CHKB: variants seen among roughly 807,000 people sequenced by gnomAD.
CHKB encodes the protein choline/ethanolamine kinase.
Under a neutral mutation model 57.3 loss-of-function variants are expected in CHKB, and 45 were observed. The observed-to-expected ratio is 0.79, with a 90% CI of 0.62 to 1.01. The LOEUF (loss-of-function observed/expected upper bound fraction) is 1.01. CHKB is among the 50% of genes least tolerant of loss of function. The pLI is 0.00. For missense variants in CHKB, 517 were observed against 502.8 expected, an observed-to-expected ratio of 1.03 and a Z score of -0.27; for synonymous variants, 224 against 201.8, an observed-to-expected ratio of 1.11 and a Z score of -0.93.
Position 50,581,795 on chromosome 22 carries a change from T to C in CHKB, c.401A>G (p.Gln134Arg), listed in dbSNP as rs1374175646. The C allele has an allele frequency of 1.9e-6, 3 of 1,609,104 alleles. No individual in the cohort carries two copies. Among genetic ancestry groups the C allele is most frequent in the East Asian group, 4.5e-5 (2 of 44,440 alleles). ...GCCCTCTGGGAAGACTCCGTACAGC[T>C]GGGGCCCCAGCGACCGCTCCGCAAG... ...AILAERSLGPQLYGVFPEGRL... is the reference protein window; with the variant it reads ...AILAERSLGPRLYGVFPEGRL... The change falls in exon 3 of 11, where the codon CAG becomes CGG. Residue 134 changes from glutamine (Q) to arginine (R), a missense_variant. Coordinates refer to ENST00000406938, the MANE Select transcript of CHKB (RefSeq NM_005198.5).
chr22:50,581,125 C>T (rs2070682321), intron 4 of CHKB, among the ~76,000 whole-genome samples: 3 of 150,756 alleles, frequency 2.0e-5, no homozygotes, highest in African/African-American at 7.3e-5. Flanking sequence ...TGTTTTGAGA[C>T]AGAGTCTTGC....
At chr22:50,579,645 C>T in intron 9 of CHKB, 82 bp downstream of exon 9, 2 of 1,508,698 alleles carry the variant, frequency 1.3e-6, no homozygotes, top group South Asian at 1.1e-5. Flanking sequence ...AGCCACCTTC[C>T]CTGCAGCTTG....
chr22:50,582,402 C>A (rs13055012), intron 1 of CHKB, 45 bp from the exon 2 acceptor site: 1 of 1,511,124 alleles, frequency 6.6e-7, no homozygotes, highest in South Asian at 1.2e-5. Context: ...CCGGCCCTAC[C>A]TGCCGCGGCC....
In CHKB at chr22:50,580,477, C is replaced by T. The variant is rs572515697; in HGVS notation, c.678-61G>A. 6.8e-6 allele frequency: 11 copies of T among 1,609,504 alleles called. No individual in the cohort carries two copies. The African/African-American group carries it at 1.5e-4, about 21-fold the overall frequency. Reference sequence around the variant, plus strand: ...GTGACTAGAGGAGGATCAGAGCCACCCTAACAGGCCAGGCCCTGACACCAG... The same window carrying T: ...GTGACTAGAGGAGGATCAGAGCCACTCTAACAGGCCAGGCCCTGACACCAG... On this transcript the variant is annotated intron_variant, in intron 5 of 10. Transcript: ENST00000406938.
Position 50,582,817 on chromosome 22 carries a change from C to G in CHKB, c.-36G>C. The G allele has an allele frequency of 6.5e-7, 1 of 1,526,944 alleles. No homozygotes were observed. Among genetic ancestry groups the G allele is most frequent in the South Asian group, 1.2e-5 (1 of 83,232 alleles). 94.6% of individuals were successfully genotyped at this position (1,526,944 alleles called of 1,614,324 possible). A position where few individuals can be genotyped will look rare whatever the true frequency, so the allele number is the denominator to read the frequency against. ...CGACCGGGCCCCAGGCCAGGCTGCG[C>G]TCCGCTCCCTTCGGACGGGCTCGGT... On this transcript the variant is annotated 5_prime_UTR_variant, in exon 1 of 11. Coordinates refer to ENST00000406938, the MANE Select transcript of CHKB (RefSeq NM_005198.5).
chr22:50,580,713 GC>G (rs2070674345), intron 4 of CHKB, 53 bp from the exon 5 acceptor site: 11 of 1,529,282 alleles, frequency 7.2e-6, no homozygotes, highest in Non-Finnish European at 9.0e-6. Flanking sequence ...CCCACCCCTC[GC>G]CTATCTACCC....
In CHKB at chr22:50,579,447, G is replaced by A. The variant is rs376369193; in HGVS notation, c.1092C>T (p.Ser364=). ...GLWSILQASM[S]TIEFGYLDYA... Reference sequence around the variant, plus strand: ...TTACCAAGTAACCAAATTCTATGGTGGACATGGATGCCTGGAGGATGGACC... The same window carrying A: ...TTACCAAGTAACCAAATTCTATGGTAGACATGGATGCCTGGAGGATGGACC... Residue 364 remains serine (S), a synonymous_variant, in exon 10 of 11, where the codon TCC becomes TCT. Coordinates refer to ENST00000406938, the MANE Select transcript of CHKB (RefSeq NM_005198.5). 5 of 1,613,406 alleles carry A rather than the reference G, an allele frequency of 3.1e-6. No homozygotes were observed. The highest frequency in any genetic ancestry group is 1.3e-5 in the African/African-American group (1 of 74,878).
rs1175814040 is a variant in CHKB at position 50,580,424 on chromosome 22, G to A, written c.678-8C>T. ...GTAGACTCTAGTAACTTCCTACAGG[G>A]GTATGGGAGCATGGGTCCTGAGCAG... On this transcript the variant is annotated splice_polypyrimidine_tract_variant and splice_region_variant and intron_variant, in intron 5 of 10. Coordinates refer to ENST00000406938, the MANE Select transcript of CHKB (RefSeq NM_005198.5). 4 of 1,613,952 alleles carry A rather than the reference G, an allele frequency of 2.5e-6. No individual in the cohort carries two copies. Among genetic ancestry groups the A allele is most frequent in the Non-Finnish European group, 3.4e-6 (4 of 1,180,002 alleles).
chr22:50,579,996 T>C lies in CHKB; in HGVS notation c.905A>G (p.Asp302Gly). 1 of 1,614,050 alleles carries C rather than the reference T, an allele frequency of 6.2e-7. No individual in the cohort carries two copies. ...TACCTGCTGTTCTTGAGTGGGGTAG[T>C]CTGTGGGCCTTGCTTTGTAGAAAGG... ...EWPFYKARPT[D>G]YPTQEQQLHF... is the part of the protein sequence containing the mutation. The change falls in exon 8 of 11, where the codon GAC (aspartate) becomes GGC (glycine). Residue 302 changes from aspartate to glycine, a missense_variant. Asp to Gly is a moderately conservative substitution (Grantham distance 94). Coordinates refer to ENST00000406938, the MANE Select transcript of CHKB (RefSeq NM_005198.5).
rs1266780645 is a variant in CHKB, at chr22:50,582,802, C to T, written c.-21G>A. ...GCCATGGCGCGGGCTCGACCGGGCC[C>T]CAGGCCAGGCTGCGCTCCGCTCCCT... is the stretch of plus-strand genomic sequence containing the variant. On this transcript the variant is annotated 5_prime_UTR_variant, in exon 1 of 11. Transcript: ENST00000406938. 1 of 1,543,690 alleles carries T rather than the reference C, an allele frequency of 6.5e-7. No homozygotes were observed. The highest frequency in any genetic ancestry group is 1.4e-5 in the African/African-American group (1 of 72,616).
intron 1 of CHKB, 58 bp from the exon 2 acceptor site, chr22:50,582,415 GGCCCCCTCCCGGCCAGGCCGGCCCC>G (rs1304367646): frequency 6.7e-7 from 1 of 1,485,936 alleles, no homozygotes; most frequent in South Asian, 1.3e-5. Context: ...CCGCGGCCCC[GGCCCCCTCCCGGCCAGGCCGGCCCC>G]GCCCCGCCCC....
intron 4 of CHKB, among the ~76,000 whole-genome samples, chr22:50,581,009 G>A (rs140798606): frequency 0.028 from 4,315 of 152,242 alleles, 118 homozygotes; most frequent in East Asian, 0.14. Context: ...TTGAACTCCT[G>A]AGCTCAGGCA....
chr22:50,582,150 C>G (rs957397761), intron 2 of CHKB, 99 bp downstream of exon 2: 1 of 1,115,760 alleles, frequency 9.0e-7, no homozygotes, highest in Non-Finnish European at 1.3e-6. Context: ...GACCGTGAAC[C>G]TCGGTGTCCT....
In CHKB at chr22:50,582,050, G is replaced by C. The variant is rs143525998; in HGVS notation, c.334-188C>G. 9,905 of 767,332 alleles carry C rather than the reference G, an allele frequency of 0.013. 82 individuals carry two copies. The highest frequency in any genetic ancestry group is 0.018 in the Non-Finnish European group (7,874 of 439,062). 47.5% of individuals were successfully genotyped at this position (767,332 alleles called of 1,614,324 possible). On this transcript the variant is annotated intron_variant, in intron 2 of 10. Transcript: ENST00000406938. The stretch of plus-strand genomic sequence containing the variant: ...TCACTATGTTGTCCAGGCTGGTCTC[G>C]AACTCCTGTGCTCAAGTGATCCTCT...
intron 7 of CHKB, 32 bp from the exon 8 acceptor site, chr22:50,580,114 A>G: frequency 6.2e-6 from 10 of 1,612,948 alleles, no homozygotes; most frequent in Non-Finnish European, 8.5e-6. Flanking sequence ...TCAGTCCCCA[A>G]ATGCCCTGGG....
In CHKB at chr22:50,579,009, T is replaced by G; in HGVS notation, c.*172A>C. 2.9e-6 allele frequency: 2 copies of G among 691,478 alleles called. No homozygotes were observed. Among genetic ancestry groups the G allele is most frequent in the Non-Finnish European group, 5.3e-6 (2 of 378,082 alleles). The allele number at this position is 691,478 out of a possible 1,614,324, so 42.8% of individuals were successfully genotyped here. On this transcript the variant is annotated 3_prime_UTR_variant, in exon 11 of 11. Transcript: ENST00000406938. ...TTGTGTTACATACACAGCACGGGGC[T>G]CTGGCCTGCCAGCCATGGGGACCTA...
chr22:50,582,686 G>T lies in CHKB; in HGVS notation c.96C>A (p.Thr32=). The T allele has an allele frequency of 1.2e-6, 2 of 1,610,786 alleles. No individual in the cohort carries two copies. The highest frequency in any genetic ancestry group is 1.7e-6 in the Non-Finnish European group (2 of 1,179,274). Residue 32 remains threonine, a synonymous_variant, in exon 1 of 11, where the codon ACC becomes ACA. Coordinates refer to ENST00000406938, the MANE Select transcript of CHKB (RefSeq NM_005198.5). ...GLQQSKCPDT[T]PKRRRASSLS... ...GCGACGAGGCGCGCCGCCGTTTTGG[G>T]GTAGTGTCCGGGCACTTAGACTGCT...
Position 50,581,806 on chromosome 22 carries a change from C to A in CHKB, c.390G>T (p.Ser130=), listed in dbSNP as rs1299502169. ...AGACTCCGTACAGCTGGGGCCCCAGCGACCGCTCCGCAAGTATGGCGAACA... is the reference window on the plus strand; with the variant it reads ...AGACTCCGTACAGCTGGGGCCCCAGAGACCGCTCCGCAAGTATGGCGAACA... ...SVMFAILAER[S]LGPQLYGVFP... The change falls in exon 3 of 11, where the codon TCG becomes TCT. Residue 130 remains serine, a synonymous_variant. Coordinates refer to ENST00000406938, the MANE Select transcript of CHKB (RefSeq NM_005198.5). The A allele has an allele frequency of 2.5e-6, 4 of 1,613,866 alleles. No individual in the cohort carries two copies. Among genetic ancestry groups the A allele is most frequent in the Non-Finnish European group, 2.5e-6 (3 of 1,180,008 alleles).
chr22:50,581,867 A>G lies in CHKB; in HGVS notation c.334-5T>C, dbSNP rs371606408. 18 of 1,613,394 alleles carry G rather than the reference A, an allele frequency of 1.1e-5. No homozygotes were observed. Among genetic ancestry groups the G allele is most frequent in the Non-Finnish European group, 1.5e-5 (18 of 1,179,696 alleles). Reference sequence around the variant, plus strand: ...TAGCACCAGGGAGTCCACGCCCTGAAAAAGGATGGACAGCAAAGGGGCCAA... The same window carrying G: ...TAGCACCAGGGAGTCCACGCCCTGAGAAAGGATGGACAGCAAAGGGGCCAA... On this transcript the variant is annotated splice_polypyrimidine_tract_variant and splice_region_variant and intron_variant, in intron 2 of 10. Coordinates refer to ENST00000406938, the MANE Select transcript of CHKB (RefSeq NM_005198.5).
Sources: allele counts gnomAD v4.1 joint callset (sites outside exome capture counted in the v4.1 genomes callset), GRCh38; gene constraint gnomAD v4.1.1; transcripts MANE v1.5; gene names NCBI Gene and HGNC (gene_info 2026-07-23, HGNC 2026-07-21).